The following NTRK2 variants were observed in gnomAD, a reference collection of about 807,000 sequenced individuals.
NTRK2 encodes the protein neurotrophic receptor tyrosine kinase 2.
A neutral mutation model predicts 94.5 loss-of-function variants in NTRK2; 13 were observed. That is an observed-to-expected ratio of 0.14 (90% CI 0.09 to 0.22). NTRK2 has a LOEUF of 0.22. NTRK2 is among the 10% of genes least tolerant of loss of function. NTRK2 has a pLI of 1.00. For synonymous variants in NTRK2, 372 were observed against 407.4 expected, an observed-to-expected ratio of 0.91 and a Z score of 1.05; for missense variants, 639 against 1,071.2, an observed-to-expected ratio of 0.60 and a Z score of 5.63.
chr9:84,903,890 T>C (rs1004768267), intron 14 of NTRK2, among the ~76,000 whole-genome samples: 1 of 152,170 alleles, frequency 6.6e-6, no homozygotes, highest in Non-Finnish European at 1.5e-5. Context: ...CCATTACTGA[T>C]GGCCTGTTTT....
At position 84,839,557 on chromosome 9, in the gene NTRK2, T is replaced by C. The variant is rs552587628; in HGVS notation, c.1397-21483T>C. ...GTCACTCTTACTCTGTAAAGAGCAG[T>C]GACCATCTTGCTGCATTAGGTCAAC... is the stretch of plus-strand genomic sequence containing the variant. On this transcript the variant is annotated intron_variant, in intron 12 of 18. Coordinates refer to ENST00000277120, the MANE Select transcript of NTRK2 (RefSeq NM_006180.6). Among the ~76,000 whole-genome samples, 3 of 152,332 alleles carry C rather than the reference T, an allele frequency of 2.0e-5. No homozygotes were observed. In the East Asian group the frequency reaches 5.8e-4, roughly 29 times the overall value.
chr9:84,699,014 A>C (rs935760526), intron 2 of NTRK2, among the ~76,000 whole-genome samples: 2 of 151,006 alleles, frequency 1.3e-5, no homozygotes, highest in Admixed American at 6.6e-5. Flanking sequence ...CTTAGGATCT[A>C]CTACTAGAGG....
chr9:84,698,287 T>C (rs571469954), intron 2 of NTRK2, among the ~76,000 whole-genome samples: 13 of 152,286 alleles, frequency 8.5e-5, no homozygotes, highest in African/African-American at 2.6e-4. Flanking sequence ...GATTGTTTTA[T>C]GTTACATGTA....
chr9:84,871,284 G>A (rs1247003517), intron 14 of NTRK2, among the ~76,000 whole-genome samples: 2 of 152,310 alleles, frequency 1.3e-5, no homozygotes, highest in Non-Finnish European at 2.9e-5. Flanking sequence ...GCTGGAGTAT[G>A]GGCCTGGTAT....
At chr9:84,875,266 T>G (rs1218270461) in intron 14 of NTRK2, 17 of 1,058,600 alleles carry the variant, frequency 1.6e-5, no homozygotes, top group Non-Finnish European at 1.8e-5. Flanking sequence ...GGGTGTATTA[T>G]TCCCAGTTTT....
chr9:84,812,234 A>T (rs2071887077), intron 12 of NTRK2: 4 of 1,056,282 alleles, frequency 3.8e-6, no homozygotes, highest in Non-Finnish European at 4.6e-6. Flanking sequence ...GATATCCATA[A>T]TGAATATTTT....
intron 12 of NTRK2, among the ~76,000 whole-genome samples, chr9:84,797,763 TAATA>T (rs2069700665): frequency 4.0e-4 from 8 of 20,160 alleles, no homozygotes; most frequent in African/African-American, 9.5e-4. Flanking sequence ...ATATATACTA[TAATA>T]ATATATATAA....
chr9:85,016,687 T>C (rs996640709), intron 17 of NTRK2, among the ~76,000 whole-genome samples: 2 of 152,208 alleles, frequency 1.3e-5, no homozygotes, highest in Non-Finnish European at 2.9e-5. Flanking sequence ...TCTACTTTTG[T>C]GACATGCTTC....
chr9:84,841,138 G>A (rs1030338414), intron 12 of NTRK2, among the ~76,000 whole-genome samples: 2 of 152,128 alleles, frequency 1.3e-5, no homozygotes, highest in Admixed American at 6.5e-5. Flanking sequence ...TTTTGAATCC[G>A]TCTCCATGCT....
intron 17 of NTRK2, among the ~76,000 whole-genome samples, chr9:84,967,572 A>G (rs2032518038): frequency 6.6e-6 from 1 of 152,228 alleles, no homozygotes; most frequent in African/African-American, 2.4e-5. Context: ...TTCCTCCCTC[A>G]CAGCCTTACG....
rs1823957238 is a variant in NTRK2 at position 84,955,196 on chromosome 9, C to G, written c.1938-87C>G. 3 of 1,126,252 alleles carry G rather than the reference C, an allele frequency of 2.7e-6. No individual in the cohort carries two copies. The East Asian group carries it at 7.7e-5, about 29-fold the overall frequency. 69.8% of individuals were successfully genotyped at this position (1,126,252 alleles called of 1,614,324 possible). On this transcript the variant is annotated intron_variant, in intron 16 of 18. Coordinates refer to ENST00000277120, the MANE Select transcript of NTRK2 (RefSeq NM_006180.6). ...TACAGGGTGGGGGTGAGGAGCTTAG[C>G]AAGAGGGACGGGGAGGGGCAGGGGC...
chr9:84,821,826 A>G (rs2072863782), intron 12 of NTRK2, among the ~76,000 whole-genome samples: 1 of 126,142 alleles, frequency 7.9e-6, no homozygotes, highest in Non-Finnish European at 1.6e-5. Flanking sequence ...AGAGAGAGAG[A>G]GAGAGAGAGA....
intron 12 of NTRK2, among the ~76,000 whole-genome samples, chr9:84,799,147 A>T (rs915720346): frequency 1.3e-5 from 2 of 151,878 alleles, no homozygotes; most frequent in Non-Finnish European, 2.9e-5. Context: ...ACATCAATCA[A>T]GGGGAAAAAC....
intron 17 of NTRK2, among the ~76,000 whole-genome samples, chr9:85,015,583 CCA>C (rs1444500792): frequency 1.8e-4 from 28 of 152,156 alleles, no homozygotes. Context: ...GCCTCATCCC[CCA>C]CCAGAAAGAA....
chr9:84,817,509 G>C (rs1395643522), intron 12 of NTRK2, among the ~76,000 whole-genome samples: 3 of 152,144 alleles, frequency 2.0e-5, no homozygotes, highest in Non-Finnish European at 4.4e-5. Context: ...TTTGAATGAT[G>C]GTCTGTTATT....
intron 15 of NTRK2, among the ~76,000 whole-genome samples, chr9:84,937,288 C>A (rs549805927): frequency 6.6e-6 from 1 of 152,234 alleles, no homozygotes; most frequent in Non-Finnish European, 1.5e-5. Context: ...GTTTGACAGC[C>A]TTTCTGCTGT....
intron 17 of NTRK2, among the ~76,000 whole-genome samples, chr9:84,962,499 G>T (rs115387737): frequency 0.017 from 2,616 of 151,462 alleles, 35 homozygotes; most frequent in African/African-American, 0.037. Context: ...TTTTTTTTTG[G>T]TCTTCTGAGT....
intron 12 of NTRK2, among the ~76,000 whole-genome samples, chr9:84,765,746 G>A (rs1329222757): frequency 6.6e-6 from 1 of 151,788 alleles, no homozygotes. Context: ...CTTAAGATCT[G>A]TGGTAACAAG....
intron 6 of NTRK2, among the ~76,000 whole-genome samples, chr9:84,722,476 C>T (rs767788926): frequency 2.6e-5 from 4 of 152,002 alleles, no homozygotes; most frequent in Non-Finnish European, 4.4e-5. Context: ...TGCAATTTAA[C>T]GGCTGTTGAA....
Sources: gnomAD v4.1 joint callset for allele counts (sites outside exome capture counted in the v4.1 genomes callset) on GRCh38, gnomAD v4.1.1 for gene constraint, MANE v1.5 for transcripts, NCBI Gene and HGNC (gene_info 2026-07-23, HGNC 2026-07-21) for gene names.